The following JMJD1C variants were observed in gnomAD, a reference collection of about 807,000 sequenced individuals.
JMJD1C encodes the protein jumonji domain-containing protein 1C.
JMJD1C carries 31 observed loss-of-function variants against 245.3 expected under a neutral mutation model. That is an observed-to-expected ratio of 0.13 (90% CI 0.09 to 0.17). The LOEUF (loss-of-function observed/expected upper bound fraction) is 0.17, where lower values mean the gene tolerates loss of function less well. Among genes scored for constraint, JMJD1C ranks in the 10% least tolerant of loss-of-function variants. The pLI, the probability that JMJD1C is intolerant of heterozygous loss-of-function variation, is 1.00. For synonymous variants in JMJD1C, 1,057 were observed against 1,017.4 expected, an observed-to-expected ratio of 1.04 and a Z score of -0.74; for missense variants, 2,691 against 3,000.2, an observed-to-expected ratio of 0.90 and a Z score of 2.41.
At chr10:63,433,635 G>C (rs1477793497) in intron 1 of JMJD1C, among the ~76,000 whole-genome samples, 1 of 147,122 alleles carries the variant, frequency 6.8e-6, no homozygotes, top group African/African-American at 2.5e-5. Context: ...GCTGAGGCTG[G>C]AGTGCAAGGG....
chr10:63,419,646 T>C (rs916233343), intron 1 of JMJD1C, among the ~76,000 whole-genome samples: 1 of 151,896 alleles, frequency 6.6e-6, no homozygotes, highest in African/African-American at 2.4e-5. Context: ...TGAGTTAGAA[T>C]TCAGAAAGGC....
At chr10:63,432,066 T>C (rs928982634) in intron 1 of JMJD1C, among the ~76,000 whole-genome samples, 1 of 152,166 alleles carries the variant, frequency 6.6e-6, no homozygotes, top group Non-Finnish European at 1.5e-5. Flanking sequence ...TGAGTTCTTG[T>C]TGTTTCAAGA....
intron 1 of JMJD1C, among the ~76,000 whole-genome samples, chr10:63,409,964 T>C (rs1166538520): frequency 2.6e-5 from 4 of 152,104 alleles, no homozygotes; most frequent in Admixed American, 6.6e-5. Context: ...CAGAATCAAG[T>C]CTAGGCTGCT....
chr10:63,390,110 A>G (rs1947934834), intron 1 of JMJD1C, among the ~76,000 whole-genome samples: 1 of 152,144 alleles, frequency 6.6e-6, no homozygotes, highest in Non-Finnish European at 1.5e-5. Context: ...TTTTTTGAAG[A>G]GATAAACAAA....
At chr10:63,509,306 C>A (rs991442958) in intron 1 of JMJD1C, among the ~76,000 whole-genome samples, 1 of 152,174 alleles carries the variant, frequency 6.6e-6, no homozygotes, top group Non-Finnish European at 1.5e-5. Context: ...ATTTTTCATA[C>A]ATTTTTGGAT....
chr10:63,438,798 CA>C (rs1402601695), intron 1 of JMJD1C, among the ~76,000 whole-genome samples: 1 of 152,174 alleles, frequency 6.6e-6, no homozygotes, highest in African/African-American at 2.4e-5. Context: ...GGTCTTCACT[CA>C]AAAGTCACCT....
rs1948038814 is a variant in JMJD1C at position 63,391,352 on chromosome 10, T to C, written c.169-10870A>G. On this transcript the variant is annotated intron_variant, in intron 1 of 25. Transcript: ENST00000399262. ...GGTGAAACCCCGTCTCTACTAAAAA[T>C]ACAAAAAATTAGCTGGGCATGGTGG... 2.6e-5 allele frequency among the ~76,000 whole-genome samples: 4 copies of C among 151,846 alleles called. No individual in the cohort carries two copies. The South Asian group carries it at 8.3e-4, about 32-fold the overall frequency.
Position 63,207,989 on chromosome 10 carries a change from A to C in JMJD1C, c.3680T>G (p.Leu1227Arg). The C allele has an allele frequency of 6.2e-7, 1 of 1,614,174 alleles. No individual in the cohort carries two copies. Among genetic ancestry groups the C allele is most frequent in the Non-Finnish European group, 8.5e-7 (1 of 1,180,012 alleles). Reference sequence around the variant, plus strand: ...CACCGGAGTTAAAGTTGGAGGGGAAAGACTACTATAGCTGCCTTCCTTTCT... The same window carrying C: ...CACCGGAGTTAAAGTTGGAGGGGAACGACTACTATAGCTGCCTTCCTTTCT... ...LERKEGSYSSLSPPTLTPVMP... is the reference protein window; with the variant it reads ...LERKEGSYSSRSPPTLTPVMP... The change falls in exon 10 of 26, where the codon CTT becomes CGT. Residue 1227 changes from leucine to arginine, a missense_variant. By Grantham distance (102) the Leu-to-Arg change is moderately radical. Transcript: ENST00000399262.
chr10:63,190,219 T>G (rs1844617605), intron 17 of JMJD1C, among the ~76,000 whole-genome samples: 1 of 151,782 alleles, frequency 6.6e-6, no homozygotes, highest in African/African-American at 2.4e-5. Context: ...CTTTTATTTT[T>G]TTTGAGATGG....
At chr10:63,394,392 A>G (rs1008684704) in intron 1 of JMJD1C, among the ~76,000 whole-genome samples, 24 of 152,220 alleles carry the variant, frequency 1.6e-4, no homozygotes, top group African/African-American at 5.8e-4. Context: ...CTGCAGGGAG[A>G]AAGTAAATAA....
chr10:63,383,819 C>T (rs760680733), intron 1 of JMJD1C, among the ~76,000 whole-genome samples: 10 of 152,182 alleles, frequency 6.6e-5, no homozygotes, highest in Non-Finnish European at 8.8e-5. Context: ...CGATAAAGTG[C>T]CTTGCCTCAA....
intron 2 of JMJD1C, among the ~76,000 whole-genome samples, chr10:63,308,924 G>A (rs1398851408): frequency 1.3e-5 from 2 of 152,028 alleles, no homozygotes; most frequent in Non-Finnish European, 2.9e-5. Context: ...GAATCTTGGG[G>A]AAAAAGAGAA....
chr10:63,388,737 A>T (rs1947820453), intron 1 of JMJD1C, among the ~76,000 whole-genome samples: 1 of 152,212 alleles, frequency 6.6e-6, no homozygotes, highest in Non-Finnish European at 1.5e-5. Context: ...TTAAAGTGTC[A>T]GACTAGTTGA....
At chr10:63,242,683 G>A (rs865846822) in intron 3 of JMJD1C, among the ~76,000 whole-genome samples, 51 of 152,126 alleles carry the variant, frequency 3.4e-4, no homozygotes, top group African/African-American at 1.2e-3. Context: ...GCGAGACCAC[G>A]CCACTGCACT....
chr10:63,294,781 A>T (rs1859181757), intron 2 of JMJD1C, among the ~76,000 whole-genome samples: 1 of 152,230 alleles, frequency 6.6e-6, no homozygotes, highest in Admixed American at 6.5e-5. Context: ...TTCTAGGAAG[A>T]CAAAGATTTC....
In JMJD1C at chr10:63,374,787, A is replaced by G. The variant is rs557654325; in HGVS notation, c.333+5531T>C. On this transcript the variant is annotated intron_variant, in intron 2 of 25. Coordinates refer to ENST00000399262, the MANE Select transcript of JMJD1C (RefSeq NM_032776.3). ...CTACTCATGAAGAGAAATGTAGAGG[A>G]TAGATGTTAGGCAAAAAAGCAGGAT... Among the ~76,000 whole-genome samples the G allele has an allele frequency of 1.1e-4, 17 of 152,304 alleles. 1 individual carries two copies. The highest frequency in any genetic ancestry group is 1.1e-3 in the Admixed American group (17 of 15,310).
chr10:63,240,223 G>A (rs1349192381), intron 3 of JMJD1C, among the ~76,000 whole-genome samples: 2 of 152,036 alleles, frequency 1.3e-5, no homozygotes, highest in Non-Finnish European at 2.9e-5. Context: ...CACGGCTTAG[G>A]GTGAGTAGTG....
chr10:63,440,058 T>C (rs1020784704), intron 1 of JMJD1C, among the ~76,000 whole-genome samples: 3 of 152,304 alleles, frequency 2.0e-5, no homozygotes, highest in East Asian at 1.9e-4. Flanking sequence ...CCAGGATTAC[T>C]GATGGATATT....
At chr10:63,305,852 C>A (rs1449058062) in intron 2 of JMJD1C, among the ~76,000 whole-genome samples, 1 of 151,920 alleles carries the variant, frequency 6.6e-6, no homozygotes, top group African/African-American at 2.4e-5. Context: ...CCCTCCTCAG[C>A]CTTCTGAGTA....
Sources: gnomAD v4.1 joint callset for allele counts (sites outside exome capture counted in the v4.1 genomes callset) on GRCh38, gnomAD v4.1.1 for gene constraint, MANE v1.5 for transcripts, NCBI Gene and HGNC (gene_info 2026-07-23, HGNC 2026-07-21) for gene names.